Variants in GNG4 observed in about 807,000 individuals in gnomAD.
GNG4 encodes guanine nucleotide-binding protein G(I)/G(S)/G(O) subunit gamma-4.
In GNG4, 4 loss-of-function variants were observed where a neutral mutation model predicts 5.8. The observed-to-expected ratio is 0.69, with a 90% confidence interval of 0.34 to 1.57. The LOEUF is 1.57. Ranked by LOEUF, GNG4 falls within the 40% of genes most tolerant of loss-of-function variation. The probability of loss-of-function intolerance (pLI) is 0.06; values close to 1 mark genes in which losing one functional copy is unlikely to be tolerated. For missense variants in GNG4, 96 were observed against 95.1 expected, an observed-to-expected ratio of 1.01 and a Z score of -0.04; for synonymous variants, 29 against 32.9, an observed-to-expected ratio of 0.88 and a Z score of 0.41.
intron 3 of GNG4, among the ~76,000 whole-genome samples, chr1:235,582,104 G>C (rs1337287507): frequency 6.6e-6 from 1 of 152,122 alleles, no homozygotes; most frequent in Non-Finnish European, 1.5e-5. Context: ...TTCTTGGTGT[G>C]TTTGCCTCCC....
intron 1 of GNG4, among the ~76,000 whole-genome samples, chr1:235,622,506 G>A (rs1230443566): frequency 6.6e-6 from 1 of 152,126 alleles, no homozygotes; most frequent in African/African-American, 2.4e-5. Flanking sequence ...TTGAGGCCAG[G>A]AGTTTGAGAC....
chr1:235,561,301 GC>G (rs1687056867), intron 3 of GNG4, among the ~76,000 whole-genome samples: 1 of 151,856 alleles, frequency 6.6e-6, no homozygotes, highest in Non-Finnish European at 1.5e-5. Context: ...GAGCCACCGC[GC>G]CCGGCCATTT....
At chr1:235,616,277 C>A in intron 1 of GNG4, 1 of 469,198 alleles carries the variant, frequency 2.1e-6, no homozygotes, top group South Asian at 1.7e-5. Flanking sequence ...TGAGGTCTGC[C>A]AAGAGGATGG....
rs953800542 is a variant in GNG4, at chr1:235,642,214, T to C, written c.-123+7448A>G. Among the ~76,000 whole-genome samples, 15 of 152,092 alleles carry C rather than the reference T, an allele frequency of 9.9e-5. 1 individual carries two copies. In the South Asian group the frequency reaches 3.1e-3, roughly 32 times the overall value. ...CGAGCGAGGCCCGGCAGGGGCGGGGTGAGCCTTGGCCCCGCTCCCGTGCAG... is the reference window on the plus strand; with the variant it reads ...CGAGCGAGGCCCGGCAGGGGCGGGGCGAGCCTTGGCCCCGCTCCCGTGCAG... On this transcript the variant is annotated intron_variant, in intron 1 of 3. Coordinates refer to ENST00000391854, the MANE Select transcript of GNG4 (RefSeq NM_001098722.2). This position sits in a 1 kb window ranked among gnomAD's most constrained non-coding sequence, Gnocchi z 4.3.
intron 1 of GNG4, among the ~76,000 whole-genome samples, chr1:235,611,324 T>C (rs900534064): frequency 1.3e-5 from 2 of 152,050 alleles, no homozygotes; most frequent in Non-Finnish European, 2.9e-5. Context: ...TGTGCCACCA[T>C]GCTGGACTAA....
intron 1 of GNG4, among the ~76,000 whole-genome samples, chr1:235,636,419 C>A (rs1457200192): frequency 6.6e-6 from 1 of 152,192 alleles, no homozygotes; most frequent in Non-Finnish European, 1.5e-5. Flanking sequence ...GGGGCAAGGT[C>A]TAGGGGAGCC....
At chr1:235,599,859 C>T (rs1192410226) in intron 1 of GNG4, among the ~76,000 whole-genome samples, 2 of 152,136 alleles carry the variant, frequency 1.3e-5, no homozygotes, top group Non-Finnish European at 2.9e-5. Flanking sequence ...TCTAGAAGCT[C>T]TTTGAGAGGC....
At chr1:235,600,129 T>TTTTTTTTTTTTTTTTTTTTA (rs1289825136) in intron 1 of GNG4, among the ~76,000 whole-genome samples, 1 of 113,016 alleles carries the variant, frequency 8.8e-6, no homozygotes, top group African/African-American at 3.4e-5. Flanking sequence ...TTTTTTTTTT[T>TTTTTTTTTTTTTTTTTTTTA]AGACAGGCAG....
At chr1:235,594,824 G>T (rs1688083694) in intron 2 of GNG4, among the ~76,000 whole-genome samples, 1 of 152,222 alleles carries the variant, frequency 6.6e-6, no homozygotes, top group African/African-American at 2.4e-5. Flanking sequence ...CCAGGAAGGG[G>T]CTCCCACAGT....
In GNG4 at chr1:235,637,653, CAAAAA is replaced by C. The variant is rs5781837; in HGVS notation, c.-123+12004_-123+12008del. ...TGGGAGACAGAGCAAGACCTTGTCT[CAAAAA>C]AAAAAAAAAAAAAAAAATTAGAATG... On this transcript the variant is annotated intron_variant, in intron 1 of 3. Transcript: ENST00000391854. 9.9e-3 allele frequency among the ~76,000 whole-genome samples: 1,147 copies of C among 116,300 alleles called. 6 individuals carry two copies. The highest frequency in any genetic ancestry group is 0.013 in the Non-Finnish European group (754 of 56,792). 76.3% of individuals were successfully genotyped at this position (116,300 alleles called of 152,430 possible). A position where few individuals can be genotyped will look rare whatever the true frequency, so the allele number is the denominator to read the frequency against.
At chr1:235,623,526 C>T (rs560229446) in intron 1 of GNG4, among the ~76,000 whole-genome samples, 4 of 152,314 alleles carry the variant, frequency 2.6e-5, no homozygotes, top group African/African-American at 4.8e-5. Flanking sequence ...ATTTTTCCAG[C>T]GTTTTTGCTG....
intron 1 of GNG4, among the ~76,000 whole-genome samples, chr1:235,605,626 A>G (rs1688341593): frequency 6.6e-6 from 1 of 152,180 alleles, no homozygotes; most frequent in Admixed American, 6.5e-5. Flanking sequence ...GAAGGGCTTT[A>G]TACTCAATTT....
intron 3 of GNG4, among the ~76,000 whole-genome samples, chr1:235,581,793 T>G (rs1223195705): frequency 6.6e-6 from 1 of 152,230 alleles, no homozygotes; most frequent in Non-Finnish European, 1.5e-5. Flanking sequence ...CATTTGTCTT[T>G]GACTTTCCTC....
In GNG4 at chr1:235,551,530, G is replaced by C; in HGVS notation, c.*579C>G. 1 of 151,164 alleles carries C rather than the reference G, an allele frequency of 6.6e-6. No homozygotes were observed. The highest frequency in any genetic ancestry group is 2.0e-4 in the East Asian group (1 of 5,004). The allele number at this position is 151,164 out of a possible 1,614,324, so 9.4% of individuals were successfully genotyped here. A position where few individuals can be genotyped will look rare whatever the true frequency, so the allele number is the denominator to read the frequency against. On this transcript the variant is annotated 3_prime_UTR_variant, in exon 4 of 4. Coordinates refer to ENST00000391854, the MANE Select transcript of GNG4 (RefSeq NM_001098722.2). ...TGCACTCCAGCCTGGGTGACAGAGC[G>C]AGACTCCATCTCAAAACAACAACAA...
chr1:235,597,063 G>A (rs1688139410), intron 1 of GNG4, among the ~76,000 whole-genome samples: 1 of 152,088 alleles, frequency 6.6e-6, no homozygotes, highest in Non-Finnish European at 1.5e-5. Flanking sequence ...GCCCATTCAA[G>A]ACTCATAGCC....
intron 2 of GNG4, among the ~76,000 whole-genome samples, chr1:235,587,409 GA>G (rs200577685): frequency 9.5e-4 from 91 of 95,400 alleles, no homozygotes; most frequent in South Asian, 2.4e-3. Flanking sequence ...GTATGAGGGT[GA>G]GGGGTGGGGG....
chr1:235,559,694 G>A (rs1687010258), intron 3 of GNG4, among the ~76,000 whole-genome samples: 1 of 152,168 alleles, frequency 6.6e-6, no homozygotes, highest in Non-Finnish European at 1.5e-5. Flanking sequence ...GAGAGAGGAG[G>A]GTGGGTGATA....
At chr1:235,570,682 G>A (rs1687311361) in intron 3 of GNG4, among the ~76,000 whole-genome samples, 1 of 151,420 alleles carries the variant, frequency 6.6e-6, no homozygotes, top group Non-Finnish European at 1.5e-5. Flanking sequence ...TTACAGGCAT[G>A]AGCACCGCAC....
chr1:235,624,125 CG>C (rs1198862911), intron 1 of GNG4, among the ~76,000 whole-genome samples: 3 of 146,260 alleles, frequency 2.1e-5, no homozygotes, highest in African/African-American at 7.7e-5. Flanking sequence ...TTTTTTGAGA[CG>C]GAGTCTCGCT....
Sources: allele counts gnomAD v4.1 joint callset (sites outside exome capture counted in the v4.1 genomes callset), GRCh38; gene constraint gnomAD v4.1.1; non-coding constraint Gnocchi (gnomAD v3.1); transcripts MANE v1.5; gene names NCBI Gene and HGNC (gene_info 2026-07-23, HGNC 2026-07-21).